Variants in FHIT observed in about 807,000 individuals in gnomAD.
FHIT encodes the protein bis(5'-adenosyl)-triphosphatase.
Under a neutral mutation model 17.9 loss-of-function variants are expected in FHIT, and 19 were observed. The observed-to-expected ratio is 1.06, with a 90% CI of 0.74 to 1.56. The LOEUF (loss-of-function observed/expected upper bound fraction) is 1.56. Ranked by LOEUF, FHIT falls within the 40% of genes most tolerant of loss-of-function variation. The probability of loss-of-function intolerance (pLI) is 0.00; values close to 1 mark genes in which losing one functional copy is unlikely to be tolerated. For synonymous variants in FHIT, 81 were observed against 69.7 expected, an observed-to-expected ratio of 1.16 and a Z score of -0.81; for missense variants, 248 against 189.2, an observed-to-expected ratio of 1.31 and a Z score of -1.82.
At chr3:59,895,046 G>C (rs1704010689) in intron 8 of FHIT, among the ~76,000 whole-genome samples, 1 of 152,244 alleles carries the variant, frequency 6.6e-6, no homozygotes, top group South Asian at 2.1e-4. Context: ...GGGGACATTT[G>C]ACAATGTCTG....
At chr3:60,156,302 A>G (rs1700687592) in intron 5 of FHIT, among the ~76,000 whole-genome samples, 1 of 151,566 alleles carries the variant, frequency 6.6e-6, no homozygotes, top group South Asian at 2.1e-4. Context: ...GTGAGCCGAG[A>G]TTGTGCCACT....
chr3:60,506,602 G>A (rs1360579916), intron 5 of FHIT, among the ~76,000 whole-genome samples: 3 of 152,102 alleles, frequency 2.0e-5, no homozygotes, highest in African/African-American at 4.8e-5. Flanking sequence ...GATGTGCTTT[G>A]GCCAATGGAT....
chr3:60,048,142 A>T (rs1325740245), intron 5 of FHIT, among the ~76,000 whole-genome samples: 1 of 151,896 alleles, frequency 6.6e-6, no homozygotes, highest in Non-Finnish European at 1.5e-5. Flanking sequence ...CCAGATTGGG[A>T]CCCACCGTAA....
chr3:60,785,897 ACACAC>A lies in FHIT; in HGVS notation c.-18+36017_-18+36021del, dbSNP rs1700555194. Among the ~76,000 whole-genome samples the A allele has an allele frequency of 2.3e-3, 308 of 133,580 alleles. 2 individuals are homozygous for A. Among genetic ancestry groups the A allele is most frequent in the South Asian group, 0.017 (65 of 3,790 alleles). 87.6% of individuals were successfully genotyped at this position (133,580 alleles called of 152,430 possible). On this transcript the variant is annotated intron_variant, in intron 4 of 9. Transcript: ENST00000492590. ...CTAACTCAAATGCAACAAACAGAAG[ACACAC>A]ACACACACACACACACACACACACA... is the stretch of plus-strand genomic sequence containing the variant.
At chr3:60,013,628 A>G (rs1377034574) in intron 6 of FHIT, among the ~76,000 whole-genome samples, 1 of 152,214 alleles carries the variant, frequency 6.6e-6, no homozygotes, top group Non-Finnish European at 1.5e-5. Flanking sequence ...CCTAAGCTGC[A>G]TATCACTGCC....
intron 5 of FHIT, among the ~76,000 whole-genome samples, chr3:60,167,917 A>G (rs575527217): frequency 2.0e-4 from 31 of 152,214 alleles, no homozygotes; most frequent in African/African-American, 6.7e-4. Context: ...CTGTAGTCCC[A>G]GCTTTTTGGA....
chr3:59,963,310 A>G (rs1707773554), intron 7 of FHIT, among the ~76,000 whole-genome samples: 1 of 152,002 alleles, frequency 6.6e-6, no homozygotes, highest in African/African-American at 2.4e-5. Context: ...AGAAAAATGT[A>G]TTGTTAGTCT....
chr3:60,862,929 G>C (rs1703985960), intron 3 of FHIT, among the ~76,000 whole-genome samples: 1 of 151,842 alleles, frequency 6.6e-6, no homozygotes, highest in African/African-American at 2.4e-5. Flanking sequence ...AAGAGACTTA[G>C]CAGATGTATC....
chr3:59,775,753 T>C (rs1204403154), intron 8 of FHIT, among the ~76,000 whole-genome samples: 1 of 152,182 alleles, frequency 6.6e-6, no homozygotes, highest in Non-Finnish European at 1.5e-5. Context: ...ATGAACGCTT[T>C]AAATGAGAAA....
intron 2 of FHIT, among the ~76,000 whole-genome samples, chr3:61,187,122 A>C (rs569783740): frequency 2.6e-4 from 40 of 152,338 alleles, no homozygotes; most frequent in African/African-American, 9.4e-4. Flanking sequence ...TGAATGCATC[A>C]GTCAGTCATG....
At chr3:60,667,796 T>C (rs2040414998) in intron 4 of FHIT, among the ~76,000 whole-genome samples, 1 of 152,196 alleles carries the variant, frequency 6.6e-6, no homozygotes, top group Admixed American at 6.5e-5. Flanking sequence ...GCTACTTTTA[T>C]CAGCTGTGGC....
intron 5 of FHIT, among the ~76,000 whole-genome samples, chr3:60,294,544 T>C (rs1708124533): frequency 6.6e-6 from 1 of 152,176 alleles, no homozygotes; most frequent in South Asian, 2.1e-4. Flanking sequence ...AGCCACATGC[T>C]GTGCCTAAAA....
At chr3:59,831,439 A>T (rs919887436) in intron 8 of FHIT, among the ~76,000 whole-genome samples, 2 of 152,102 alleles carry the variant, frequency 1.3e-5, no homozygotes, top group Non-Finnish European at 2.9e-5. Context: ...GAGTCTTAGA[A>T]AGGTTAAGAA....
At chr3:60,066,341 T>C (rs1317347203) in intron 5 of FHIT, among the ~76,000 whole-genome samples, 2 of 152,190 alleles carry the variant, frequency 1.3e-5, no homozygotes, top group African/African-American at 2.4e-5. Context: ...CCCAGGCTGG[T>C]CCAGTGATTT....
intron 5 of FHIT, among the ~76,000 whole-genome samples, chr3:60,392,118 T>C (rs1701256860): frequency 6.6e-6 from 1 of 152,152 alleles, no homozygotes; most frequent in African/African-American, 2.4e-5. Context: ...TTTTCTTCCA[T>C]CAAAATAAAT....
intron 5 of FHIT, among the ~76,000 whole-genome samples, chr3:60,193,775 T>G (rs1397981286): frequency 6.6e-6 from 1 of 152,126 alleles, no homozygotes; most frequent in African/African-American, 2.4e-5. Context: ...CAGTGTGATA[T>G]GTCCAATGTC....
intron 2 of FHIT, among the ~76,000 whole-genome samples, chr3:61,183,506 ACT>A (rs976994353): frequency 1.3e-5 from 2 of 152,060 alleles, no homozygotes; most frequent in Admixed American, 1.3e-4. Context: ...GATTTGCTGC[ACT>A]CTCTCTCTTA....
chr3:60,280,863 A>T (rs1292446079), intron 5 of FHIT, among the ~76,000 whole-genome samples: 1 of 152,316 alleles, frequency 6.6e-6, no homozygotes, highest in Non-Finnish European at 1.5e-5. Flanking sequence ...ATATTAAGAA[A>T]AAGATATAAC....
chr3:60,457,217 T>C (rs1413975764), intron 5 of FHIT, among the ~76,000 whole-genome samples: 1 of 152,158 alleles, frequency 6.6e-6, no homozygotes, highest in East Asian at 1.9e-4. Flanking sequence ...AGCATGGTAC[T>C]GGTACCAAAA....
Sources: gnomAD v4.1 joint callset for allele counts (sites outside exome capture counted in the v4.1 genomes callset) on GRCh38, gnomAD v4.1.1 for gene constraint, MANE v1.5 for transcripts, NCBI Gene and HGNC (gene_info 2026-07-23, HGNC 2026-07-21) for gene names.